The following ADIPOR2 variants were observed in gnomAD, a reference collection of about 807,000 sequenced individuals.
ADIPOR2 encodes the protein adiponectin receptor protein 2.
ADIPOR2 carries 18 observed loss-of-function variants against 40.9 expected under a neutral mutation model. That is an observed-to-expected ratio of 0.44 (90% CI 0.30 to 0.65). The LOEUF (loss-of-function observed/expected upper bound fraction) is 0.65, where lower values mean the gene tolerates loss of function less well. Ranked by LOEUF, ADIPOR2 falls within the 30% of genes least tolerant of loss-of-function variation. The pLI, the probability that ADIPOR2 is intolerant of heterozygous loss-of-function variation, is 0.09. For missense variants in ADIPOR2, 283 were observed against 479.2 expected (o/e 0.59, Z 3.82); for synonymous variants, 165 against 166.4 (o/e 0.99, Z 0.06).
intron 4 of ADIPOR2, among the ~76,000 whole-genome samples, chr12:1,778,870 A>C (rs1322817910): frequency 6.6e-6 from 1 of 152,216 alleles, no homozygotes; most frequent in East Asian, 1.9e-4. Context: ...ATCTGAATAG[A>C]TGTTCTTCCA....
intron 2 of ADIPOR2, chr12:1,757,544 A>G: frequency 1.2e-6 from 1 of 854,564 alleles, no homozygotes; most frequent in Non-Finnish European, 2.0e-6. Context: ...AATCTGTCTG[A>G]ATGGTATCAT....
At chr12:1,720,508 C>A (rs1264621781) in intron 1 of ADIPOR2, among the ~76,000 whole-genome samples, 3 of 152,270 alleles carry the variant, frequency 2.0e-5, no homozygotes, top group East Asian at 1.9e-4. Context: ...GCTAGACTGT[C>A]CCATATGGGA....
chr12:1,691,078 C>A lies in ADIPOR2; in HGVS notation c.-200C>A. 1 of 164,968 alleles carries A rather than the reference C, an allele frequency of 6.1e-6. No individual in the cohort carries two copies. Among genetic ancestry groups the A allele is most frequent in the Non-Finnish European group, 1.3e-5 (1 of 76,760 alleles). 10.2% of individuals were successfully genotyped at this position (164,968 alleles called of 1,614,324 possible). A position where few individuals can be genotyped will look rare whatever the true frequency, so the allele number is the denominator to read the frequency against. ...GGCGAGAGCGCGATTCCAGAAGCGG[C>A]ATCGCGGCGGCGGCAGCGGCGGCGG... On this transcript the variant is annotated 5_prime_UTR_variant, in exon 1 of 8. Transcript: ENST00000357103.
At chr12:1,712,622 G>A (rs1363593429) in intron 1 of ADIPOR2, among the ~76,000 whole-genome samples, 1 of 152,076 alleles carries the variant, frequency 6.6e-6, no homozygotes, top group Non-Finnish European at 1.5e-5. Flanking sequence ...ACTAGGGCCT[G>A]CTTTAAGGAT....
At chr12:1,732,065 T>C (rs1364973794) in intron 1 of ADIPOR2, among the ~76,000 whole-genome samples, 1 of 152,114 alleles carries the variant, frequency 6.6e-6, no homozygotes, top group African/African-American at 2.4e-5. Flanking sequence ...GAGTGAAAAC[T>C]AGAGTTCCCA....
chr12:1,772,615 G>C (rs768238814), intron 2 of ADIPOR2: 2 of 382,198 alleles, frequency 5.2e-6, no homozygotes, highest in Non-Finnish European at 8.7e-6. Flanking sequence ...AAACAGAGAT[G>C]CTGCTATAGT....
intron 1 of ADIPOR2, among the ~76,000 whole-genome samples, chr12:1,748,749 C>T (rs2094762459): frequency 6.6e-6 from 1 of 151,976 alleles, no homozygotes; most frequent in South Asian, 2.1e-4. Flanking sequence ...AAACTCTCCT[C>T]AAACTGTGTT....
At chr12:1,739,137 A>G (rs1266917633) in intron 1 of ADIPOR2, among the ~76,000 whole-genome samples, 1 of 152,244 alleles carries the variant, frequency 6.6e-6, no homozygotes, top group African/African-American at 2.4e-5. Context: ...CTTTCAGAAG[A>G]CAGTTGAAAA....
chr12:1,736,202 C>T (rs1565642963), intron 1 of ADIPOR2, among the ~76,000 whole-genome samples: 2 of 152,192 alleles, frequency 1.3e-5, no homozygotes, highest in African/African-American at 2.4e-5. Context: ...TGGTAGAATT[C>T]GGCTGTGAAT....
At chr12:1,736,403 T>G (rs1470224778) in intron 1 of ADIPOR2, among the ~76,000 whole-genome samples, 1 of 152,272 alleles carries the variant, frequency 6.6e-6, no homozygotes, top group Non-Finnish European at 1.5e-5. Flanking sequence ...TAGTATTCTC[T>G]GATGGTACTT....
At chr12:1,707,140 G>A (rs1412502884) in intron 1 of ADIPOR2, among the ~76,000 whole-genome samples, 5 of 152,230 alleles carry the variant, frequency 3.3e-5, no homozygotes, top group African/African-American at 1.2e-4. Context: ...ATTCACTGTG[G>A]TATGGCTATA....
At chr12:1,691,648 C>G (rs1462592332) in intron 1 of ADIPOR2, among the ~76,000 whole-genome samples, 2 of 152,192 alleles carry the variant, frequency 1.3e-5, no homozygotes, top group African/African-American at 4.8e-5. Flanking sequence ...GCGCTACTTT[C>G]ACAGTGACTG....
At chr12:1,716,361 G>A (rs905182376) in intron 1 of ADIPOR2, among the ~76,000 whole-genome samples, 13 of 152,138 alleles carry the variant, frequency 8.5e-5, no homozygotes, top group African/African-American at 3.1e-4. Flanking sequence ...AATGTTTGTA[G>A]TTATTAATAT....
chr12:1,764,976 T>C (rs1282634094), intron 2 of ADIPOR2, among the ~76,000 whole-genome samples: 2 of 152,206 alleles, frequency 1.3e-5, no homozygotes, highest in South Asian at 2.1e-4. Flanking sequence ...GGGGCTATTA[T>C]AAATAGTGTT....
At chr12:1,705,523 T>C (rs1803179059) in intron 1 of ADIPOR2, among the ~76,000 whole-genome samples, 1 of 152,210 alleles carries the variant, frequency 6.6e-6, no homozygotes, top group African/African-American at 2.4e-5. Flanking sequence ...AAACATTGTA[T>C]AAAATTACCT....
chr12:1,771,320 C>T (rs1862490151), intron 2 of ADIPOR2, among the ~76,000 whole-genome samples: 1 of 151,888 alleles, frequency 6.6e-6, no homozygotes, highest in Admixed American at 6.6e-5. Flanking sequence ...GCCATGATCG[C>T]ACCACTGTAC....
chr12:1,723,406 G>C (rs993145993), intron 1 of ADIPOR2, among the ~76,000 whole-genome samples: 1 of 150,494 alleles, frequency 6.6e-6, no homozygotes, highest in African/African-American at 2.5e-5. Context: ...GAGGCAGGTG[G>C]ATCACCTGAG....
At chr12:1,730,416 G>C (rs200638684) in intron 1 of ADIPOR2, among the ~76,000 whole-genome samples, 1 of 151,642 alleles carries the variant, frequency 6.6e-6, no homozygotes, top group African/African-American at 2.4e-5. Context: ...AGGAGATCGA[G>C]ACCATCCTGA....
At chr12:1,783,806 G>A (rs1862774331) in intron 6 of ADIPOR2, 74 bp from the exon 7 acceptor site, 4 of 1,221,074 alleles carry the variant, frequency 3.3e-6, no homozygotes, top group Non-Finnish European at 4.5e-6. Context: ...AGTTAATGGT[G>A]CTGTGCTGTA....
Sources: allele counts gnomAD v4.1 joint callset (sites outside exome capture counted in the v4.1 genomes callset), GRCh38; gene constraint gnomAD v4.1.1; transcripts MANE v1.5; gene names NCBI Gene and HGNC (gene_info 2026-07-23, HGNC 2026-07-21).